The following CYP4F22 variants were observed in gnomAD, a reference collection of about 807,000 sequenced individuals.
The protein encoded by CYP4F22 is ultra-long-chain fatty acid omega-hydroxylase.
In CYP4F22, 37 loss-of-function variants were observed where a neutral mutation model predicts 60.4. The ratio of observed to expected loss-of-function variants is 0.61; its 90% CI spans 0.47 to 0.81. The LOEUF (loss-of-function observed/expected upper bound fraction) is 0.81, where lower values mean the gene tolerates loss of function less well. Ranked by LOEUF, CYP4F22 falls within the 30% of genes least tolerant of loss-of-function variation. CYP4F22 has a pLI of 0.00. For missense variants in CYP4F22, 655 were observed against 715.0 expected (o/e 0.92, Z 0.96); for synonymous variants, 258 against 280.5 (o/e 0.92, Z 0.80).
chr19:15,533,389 C>G (rs988704567), intron 4 of CYP4F22, among the ~76,000 whole-genome samples: 1 of 152,170 alleles, frequency 6.6e-6, no homozygotes, highest in Non-Finnish European at 1.5e-5. Context: ...ACTCTGTACC[C>G]ATTGAGTAAT....
intron 3 of CYP4F22, among the ~76,000 whole-genome samples, chr19:15,527,783 G>C (rs570789100): frequency 1.3e-5 from 2 of 152,244 alleles, no homozygotes. Context: ...ACTGGGTTAG[G>C]CTCCTTTGTA....
At chr19:15,547,441 A>G (rs906697030) in intron 10 of CYP4F22, among the ~76,000 whole-genome samples, 1 of 152,072 alleles carries the variant, frequency 6.6e-6, no homozygotes, top group African/African-American at 2.4e-5. Context: ...CACATAATTC[A>G]TCAATTAAAG....
In CYP4F22 at chr19:15,537,424, C is replaced by T. The variant is rs745979345; in HGVS notation, c.421+10C>T. Reference sequence around the variant, plus strand: ...CTAAAACCTTGGCTAGGTGAGTGCCCAGTGGGTAGGCTGGGGCTGGGGCTT... The same window carrying T: ...CTAAAACCTTGGCTAGGTGAGTGCCTAGTGGGTAGGCTGGGGCTGGGGCTT... On this transcript the variant is annotated intron_variant, in intron 5 of 13. Transcript: ENST00000269703. 4 of 1,614,026 alleles carry T rather than the reference C, an allele frequency of 2.5e-6. No homozygotes were observed. In the East Asian group the frequency reaches 6.7e-5, roughly 27 times the overall value.
At chr19:15,538,270 T>G (rs1971422529) in intron 7 of CYP4F22, among the ~76,000 whole-genome samples, 1 of 152,050 alleles carries the variant, frequency 6.6e-6, no homozygotes, top group Non-Finnish European at 1.5e-5. Flanking sequence ...GCTTAGTAAA[T>G]GTTAGTATTT....
chr19:15,513,337 T>G (rs551339914), intron 1 of CYP4F22, among the ~76,000 whole-genome samples: 85 of 137,872 alleles, frequency 6.2e-4, no homozygotes, highest in African/African-American at 2.2e-3. Flanking sequence ...TGCCACGCCC[T>G]GCTAATTTTT....
chr19:15,525,686 A>T (rs955847054), intron 3 of CYP4F22, 128 bp downstream of exon 3: 1 of 880,758 alleles, frequency 1.1e-6, no homozygotes, highest in Non-Finnish European at 1.7e-6. Flanking sequence ...GCAGATTTAT[A>T]TGATGGGGTA....
intron 1 of CYP4F22, among the ~76,000 whole-genome samples, chr19:15,513,629 G>T (rs1391952333): frequency 6.6e-6 from 1 of 152,068 alleles, no homozygotes; most frequent in Non-Finnish European, 1.5e-5. Flanking sequence ...CTCCCAAAGT[G>T]CTGGGATTAC....
At chr19:15,544,890 A>T (rs2144539772) in intron 10 of CYP4F22, among the ~76,000 whole-genome samples, 1 of 152,178 alleles carries the variant, frequency 6.6e-6, no homozygotes, top group East Asian at 1.9e-4. Flanking sequence ...GTGAAACCCC[A>T]TCTCTACTAA....
chr19:15,540,327 A>G (rs1568361173), intron 7 of CYP4F22, 123 bp from the exon 8 acceptor site: 7 of 1,154,948 alleles, frequency 6.1e-6, no homozygotes, highest in Non-Finnish European at 7.6e-6. Flanking sequence ...TTAAAAATAG[A>G]GTTAATATAG....
chr19:15,523,006 C>T (rs1233461420), intron 1 of CYP4F22, among the ~76,000 whole-genome samples: 2 of 151,862 alleles, frequency 1.3e-5, no homozygotes, highest in Non-Finnish European at 2.9e-5. Context: ...CCACTGCACC[C>T]GGCCAACAAA....
chr19:15,511,175 A>G (rs2144491843), intron 1 of CYP4F22, among the ~76,000 whole-genome samples: 1 of 151,466 alleles, frequency 6.6e-6, no homozygotes, highest in East Asian at 1.9e-4. Context: ...CATGTTGGTC[A>G]GGCTGGTCTC....
intron 1 of CYP4F22, among the ~76,000 whole-genome samples, chr19:15,509,144 G>A (rs1196016551): frequency 6.6e-6 from 1 of 152,144 alleles, no homozygotes; most frequent in Admixed American, 6.5e-5. Context: ...TGTTCTTCTG[G>A]CCCCGAGAGT....
In CYP4F22 at chr19:15,515,240, C is replaced by T. The variant is rs539615472; in HGVS notation, c.-109+6657C>T. 9.3e-4 allele frequency: 654 copies of T among 702,336 alleles called. 4 individuals are homozygous for T. The highest frequency in any genetic ancestry group is 3.3e-3 in the Middle Eastern group (8 of 2,396). 43.5% of individuals were successfully genotyped at this position (702,336 alleles called of 1,614,324 possible). The stretch of plus-strand genomic sequence containing the variant: ...CCCACATCCTTTACCCACCGTCTCT[C>T]GGCCCACTAGAGGTATCAGAAATTC... On this transcript the variant is annotated intron_variant, in intron 1 of 13. Transcript: ENST00000269703.
rs1244134610 is a variant in CYP4F22 at position 15,551,534 on chromosome 19, C to T, written c.*63C>T. 4 of 1,519,390 alleles carry T rather than the reference C, an allele frequency of 2.6e-6. No homozygotes were observed. Among genetic ancestry groups the T allele is most frequent in the Non-Finnish European group, 3.5e-6 (4 of 1,132,002 alleles). 94.1% of individuals were successfully genotyped at this position (1,519,390 alleles called of 1,614,324 possible). ...CCCGCCCCCAAAGGACCAGGACTCG[C>T]CCCAAAGATCCCGAGGGCATAGGCC... On this transcript the variant is annotated 3_prime_UTR_variant, in exon 14 of 14. Transcript: ENST00000269703.
intron 4 of CYP4F22, among the ~76,000 whole-genome samples, chr19:15,531,349 C>T (rs1039911821): frequency 8.6e-5 from 13 of 150,664 alleles, no homozygotes; most frequent in African/African-American, 3.2e-4. Flanking sequence ...CACTGCTGTA[C>T]TCCAGCCTGG....
intron 1 of CYP4F22, among the ~76,000 whole-genome samples, chr19:15,512,938 T>A (rs1255324514): frequency 6.6e-6 from 1 of 152,136 alleles, no homozygotes; most frequent in Non-Finnish European, 1.5e-5. Flanking sequence ...TGTCCCGAGT[T>A]CTTTCAGGCC....
In CYP4F22 at chr19:15,525,604, G is replaced by T. The variant is rs202086283; in HGVS notation, c.222+46G>T. The T allele has an allele frequency of 5.7e-6, 9 of 1,575,338 alleles. No homozygotes were observed. In the East Asian group the frequency reaches 2.0e-4, roughly 36 times the overall value. ...CTGGGCTGGGCTGGGCTGGGCATGTGCAGGGTAATAGGTAGGGATGGTGGG... is the reference window on the plus strand; with the variant it reads ...CTGGGCTGGGCTGGGCTGGGCATGTTCAGGGTAATAGGTAGGGATGGTGGG... On this transcript the variant is annotated intron_variant, in intron 3 of 13. Coordinates refer to ENST00000269703, the MANE Select transcript of CYP4F22 (RefSeq NM_173483.4).
chr19:15,538,129 GA>G, intron 7 of CYP4F22, 136 bp downstream of exon 7: 1 of 1,220,942 alleles, frequency 8.2e-7, no homozygotes, highest in Non-Finnish European at 1.2e-6. Flanking sequence ...GTGCTTCCGG[GA>G]AACTGACCAT....
rs1971555903 is a variant in CYP4F22, at chr19:15,548,229, A to G, written c.1258A>G (p.Ile420Val). The change falls in exon 11 of 14, where the codon ATC becomes GTC. Residue 420 changes from isoleucine (I) to valine (V), a missense_variant. Ile to Val is a conservative substitution (Grantham distance 29). Transcript: ENST00000269703. ...TEDIKLPDGR[I>V]IPKGIICLVS... is the part of the protein sequence containing the mutation. ...GGACATCAAGCTCCCAGATGGGCGC[A>G]TCATCCCCAAAGGTGCCTACCATGT... 1 of 1,614,098 alleles carries G rather than the reference A, an allele frequency of 6.2e-7. No homozygotes were observed. The highest frequency in any genetic ancestry group is 8.5e-7 in the Non-Finnish European group (1 of 1,180,026).
Sources: allele counts gnomAD v4.1 joint callset (sites outside exome capture counted in the v4.1 genomes callset), GRCh38; gene constraint gnomAD v4.1.1; transcripts MANE v1.5; gene names NCBI Gene and HGNC (gene_info 2026-07-23, HGNC 2026-07-21).